GAB3: variants seen among roughly 807,000 people sequenced by gnomAD.
The protein encoded by GAB3 is GRB2 associated binding protein 3.
A neutral mutation model predicts 40.4 loss-of-function variants in GAB3; 12 were observed. That is an observed-to-expected ratio of 0.30 (90% confidence interval 0.19 to 0.48). The LOEUF is 0.48. GAB3 is among the 20% of genes least tolerant of loss of function. The pLI is 0.99. For synonymous variants in GAB3, 154 were observed against 176.7 expected (o/e 0.87, Z 1.02); for missense variants, 381 against 461.9 (o/e 0.82, Z 1.61).
intron 8 of GAB3, among the ~76,000 whole-genome samples, chrX:154,691,673 T>C (rs1202212527): frequency 4.5e-5 from 5 of 111,706 alleles, no homozygotes; most frequent in Non-Finnish European, 9.4e-5. Context: ...TAAAAAACCC[T>C]GTCCTTAAAG....
intron 2 of GAB3, among the ~76,000 whole-genome samples, chrX:154,713,740 A>AAC (rs2070994797): frequency 5.1e-5 from 1 of 19,434 alleles, no homozygotes; most frequent in Non-Finnish European, 1.1e-4. Context: ...TCAACTAACA[A>AAC]ACATATATAT....
At chrX:154,720,775 T>C (rs1392233968) in intron 1 of GAB3, among the ~76,000 whole-genome samples, 1 of 111,500 alleles carries the variant, frequency 9.0e-6, no homozygotes, top group East Asian at 2.8e-4. Flanking sequence ...CCCACTTGGG[T>C]AGATGAAGGG....
At chrX:154,719,702 A>C (rs1048455082) in intron 1 of GAB3, among the ~76,000 whole-genome samples, 1 of 112,128 alleles carries the variant, frequency 8.9e-6, no homozygotes. Flanking sequence ...ATGCAAAAAC[A>C]GAAGTGAGGT....
At chrX:154,745,565 C>G (rs1319000344) in intron 1 of GAB3, among the ~76,000 whole-genome samples, 1 of 111,316 alleles carries the variant, frequency 9.0e-6, no homozygotes, top group Non-Finnish European at 1.9e-5. Context: ...TTCCTAAAAA[C>G]TAATGTAATA....
intron 8 of GAB3, among the ~76,000 whole-genome samples, chrX:154,685,897 A>C (rs782572439): frequency 2.9e-4 from 32 of 111,940 alleles, no homozygotes; most frequent in Non-Finnish European, 5.6e-4. Context: ...ATCTCACAGC[A>C]CACACAAGTT....
Position 154,739,725 on chromosome X carries a change from A to G in GAB3, c.72+11229T>C, listed in dbSNP as rs139170459. Among the ~76,000 whole-genome samples, 768 of 112,325 alleles carry G rather than the reference A, an allele frequency of 6.8e-3. 7 individuals are homozygous for G. Among genetic ancestry groups the G allele is most frequent in the African/African-American group, 0.023 (720 of 30,909 alleles). ...GAGGTGGAAGAAGTTTTCATCAAAC[A>G]TTTAAAATATATTTTTTAATTTTTG... is the stretch of plus-strand genomic sequence containing the variant. On this transcript the variant is annotated intron_variant, in intron 1 of 9. Coordinates refer to ENST00000424127, the MANE Select transcript of GAB3 (RefSeq NM_001081573.3).
chrX:154,681,832 C>T (rs782700825), intron 8 of GAB3, among the ~76,000 whole-genome samples: 2 of 111,712 alleles, frequency 1.8e-5, no homozygotes, highest in East Asian at 2.8e-4. Context: ...AAAATTCATT[C>T]CATTTTTGTT....
At chrX:154,722,511 C>T (rs1427711133) in intron 1 of GAB3, among the ~76,000 whole-genome samples, 1 of 111,712 alleles carries the variant, frequency 9.0e-6, no homozygotes, top group African/African-American at 3.3e-5. Flanking sequence ...TGTTAATTTC[C>T]TTCACTATAG....
At chrX:154,690,873 A>G (rs2070550565) in intron 8 of GAB3, among the ~76,000 whole-genome samples, 1 of 107,721 alleles carries the variant, frequency 9.3e-6, no homozygotes, top group Non-Finnish European at 1.9e-5. Flanking sequence ...TTCCTCAGGG[A>G]TCTAGAACTA....
At chrX:154,714,494 T>G (rs2071014754) in intron 2 of GAB3, among the ~76,000 whole-genome samples, 1 of 111,862 alleles carries the variant, frequency 8.9e-6, no homozygotes, top group Admixed American at 9.4e-5. Context: ...CTGTGAAAAG[T>G]CACAAGAAAG....
Position 154,677,252 on chromosome X carries a change from G to A in GAB3, c.*926C>T, listed in dbSNP as rs1252553715. ...ACCTGTTCAGATCCCTATTGAAAGGGAGACAGGATGACTACTCATTTTGTG... is the reference window on the plus strand; with the variant it reads ...ACCTGTTCAGATCCCTATTGAAAGGAAGACAGGATGACTACTCATTTTGTG... On this transcript the variant is annotated 3_prime_UTR_variant, in exon 10 of 10. Coordinates refer to ENST00000424127, the MANE Select transcript of GAB3 (RefSeq NM_001081573.3). 8.9e-6 allele frequency: 1 copy of A among 111,866 alleles called. No individual in the cohort carries two copies. Among genetic ancestry groups the A allele is most frequent in the African/African-American group, 3.3e-5 (1 of 30,733 alleles). The allele number at this position is 111,866 out of a possible 1,213,427, so 9.2% of individuals were successfully genotyped here.
chrX:154,696,274 G>A (rs1369319624), intron 7 of GAB3, among the ~76,000 whole-genome samples: 4 of 98,808 alleles, frequency 4.0e-5, no homozygotes, highest in African/African-American at 7.6e-5. Flanking sequence ...CTTTCTAAAC[G>A]GACGAGGGCA....
intron 1 of GAB3, among the ~76,000 whole-genome samples, chrX:154,737,310 A>G (rs2071377175): frequency 9.0e-6 from 1 of 111,477 alleles, no homozygotes; most frequent in South Asian, 3.7e-4. Flanking sequence ...TGGCATTACC[A>G]CTGCAAGGTA....
intron 8 of GAB3, among the ~76,000 whole-genome samples, chrX:154,686,485 T>C (rs1195436507): frequency 1.8e-5 from 2 of 109,819 alleles, no homozygotes; most frequent in Admixed American, 9.7e-5. Flanking sequence ...AAAAACCTCC[T>C]ATAATTAATA....
Position 154,712,342 on chromosome X carries a change from G to C in GAB3, c.956C>G (p.Ser319Cys), listed in dbSNP as rs781883731. 18 of 1,210,044 alleles carry C rather than the reference G, an allele frequency of 1.5e-5. No homozygotes were observed. In the Admixed American group the frequency reaches 3.7e-4, roughly 25 times the overall value. ...ACTCCACTCCTCTTGGCGCCGTTCA[G>C]ACAGATGGCTTGGCTTAGGGGGGCG... ...PPRPPKPSHLSERRQEEWSTH... is the reference protein window; with the variant it reads ...PPRPPKPSHLCERRQEEWSTH... Residue 319 changes from serine (S) to cysteine (C), a missense_variant, in exon 4 of 10, where the codon TCT (serine) becomes TGT (cysteine). By Grantham distance (112) the Ser-to-Cys change is moderately radical. Coordinates refer to ENST00000424127, the MANE Select transcript of GAB3 (RefSeq NM_001081573.3).
intron 1 of GAB3, among the ~76,000 whole-genome samples, chrX:154,726,076 C>T (rs1175510809): frequency 9.0e-6 from 1 of 111,079 alleles, no homozygotes; most frequent in Non-Finnish European, 1.9e-5. Flanking sequence ...TGCAAAGAAG[C>T]ATAAAAATAT....
In GAB3 at chrX:154,712,262, G is replaced by A; in HGVS notation, c.1036C>T (p.Leu346Phe). ...GTTCTCATGTTGTCTAAACCAGAGA[G>A]GGAGATTCTTCTTGGAACCAGAGTG... ...ECTLVPRRIS[L>F]SGLDNMRTWK... Residue 346 changes from leucine (L) to phenylalanine (F), a missense_variant, in exon 4 of 10, where the codon CTC becomes TTC. Physicochemically the swap from Leu to Phe is conservative, Grantham distance 22. Coordinates refer to ENST00000424127, the MANE Select transcript of GAB3 (RefSeq NM_001081573.3). The A allele has an allele frequency of 8.3e-7, 1 of 1,205,063 alleles. No individual in the cohort carries two copies. Among genetic ancestry groups the A allele is most frequent in the Non-Finnish European group, 1.1e-6 (1 of 891,104 alleles).
chrX:154,722,842 C>T (rs2071155103), intron 1 of GAB3, among the ~76,000 whole-genome samples: 1 of 111,916 alleles, frequency 8.9e-6, no homozygotes, highest in Non-Finnish European at 1.9e-5. Flanking sequence ...TTTGTCAATA[C>T]ATTTGTTTTA....
At chrX:154,710,615 C>T (rs1408696832) in intron 4 of GAB3, among the ~76,000 whole-genome samples, 6 of 111,585 alleles carry the variant, frequency 5.4e-5, no homozygotes. Context: ...CTCACTCTGC[C>T]ACCACGTACC....
Sources: allele counts gnomAD v4.1 joint callset (sites outside exome capture counted in the v4.1 genomes callset), GRCh38; gene constraint gnomAD v4.1.1; transcripts MANE v1.5; gene names NCBI Gene and HGNC (gene_info 2026-07-23, HGNC 2026-07-21).